The following SNX9 variants were observed in gnomAD, a reference collection of about 807,000 sequenced individuals.
The protein encoded by SNX9 is sorting nexin-9.
Under a neutral mutation model 89.4 loss-of-function variants are expected in SNX9, and 44 were observed. The observed-to-expected ratio is 0.49, with a 90% CI of 0.39 to 0.63. The LOEUF is 0.63. Ranked by LOEUF, SNX9 falls within the 30% of genes least tolerant of loss-of-function variation. The pLI is 0.00. For synonymous variants in SNX9, 236 were observed against 247.8 expected, an observed-to-expected ratio of 0.95 and a Z score of 0.45; for missense variants, 578 against 736.1, an observed-to-expected ratio of 0.79 and a Z score of 2.49.
At chr6:157,911,607 C>T (rs1166443964) in intron 9 of SNX9, among the ~76,000 whole-genome samples, 3 of 152,172 alleles carry the variant, frequency 2.0e-5, no homozygotes, top group African/African-American at 4.8e-5. Context: ...AATCCACAGA[C>T]ATTAAACAGG....
intron 10 of SNX9, among the ~76,000 whole-genome samples, chr6:157,922,428 G>C (rs1485093486): frequency 2.0e-5 from 3 of 152,160 alleles, no homozygotes; most frequent in African/African-American, 7.2e-5. Flanking sequence ...TACATTATCA[G>C]CCTGGGAAAT....
chr6:157,848,831 C>T (rs1284980923), intron 1 of SNX9, among the ~76,000 whole-genome samples: 1 of 152,192 alleles, frequency 6.6e-6, no homozygotes, highest in African/African-American at 2.4e-5. Context: ...GGGATAGATA[C>T]GTAACCGATT....
chr6:157,834,399 T>G (rs1209676207), intron 1 of SNX9, among the ~76,000 whole-genome samples: 1 of 149,806 alleles, frequency 6.7e-6, no homozygotes, highest in Non-Finnish European at 1.5e-5. Context: ...CAGGCTGGAG[T>G]GCAGTGGCAT....
intron 13 of SNX9, 50 bp downstream of exon 13, chr6:157,932,322 C>T (rs1484444605): frequency 6.6e-7 from 1 of 1,510,118 alleles, no homozygotes; most frequent in African/African-American, 1.4e-5. Context: ...TTATGTAGAC[C>T]TGTCACCTGC....
At chr6:157,897,476 G>A (rs1024240644) in intron 5 of SNX9, among the ~76,000 whole-genome samples, 4 of 152,028 alleles carry the variant, frequency 2.6e-5, no homozygotes, top group African/African-American at 4.8e-5. Context: ...GGATTTTTAC[G>A]GCGGTTTCAT....
In SNX9 at chr6:157,827,480, A is replaced by ATT. The variant is rs1781393814; in HGVS notation, c.12+4034_12+4035insTT. Among the ~76,000 whole-genome samples the ATT allele has an allele frequency of 1.5e-4, 4 of 27,022 alleles. 2 individuals carry two copies. Among genetic ancestry groups the ATT allele is most frequent in the Non-Finnish European group, 2.0e-4 (4 of 19,576 alleles). 17.7% of individuals were successfully genotyped at this position (27,022 alleles called of 152,430 possible). ...TAATATATAAACTTATAGTTTATAT[A>ATT]ATATATAAACTTATAGTTTATATAA... On this transcript the variant is annotated intron_variant, in intron 1 of 17. Coordinates refer to ENST00000392185, the MANE Select transcript of SNX9 (RefSeq NM_016224.5).
At chr6:157,908,751 G>A (rs145795488) in intron 7 of SNX9, among the ~76,000 whole-genome samples, 6 of 147,792 alleles carry the variant, frequency 4.1e-5, no homozygotes, top group Admixed American at 2.0e-4. Context: ...AAACTTACAC[G>A]AGGTCTCTAC....
Position 157,823,289 on chromosome 6 carries a change from T to C in SNX9, c.-146T>C. 1.7e-6 allele frequency: 1 copy of C among 587,028 alleles called. No individual in the cohort carries two copies. Among genetic ancestry groups the C allele is most frequent in the Non-Finnish European group, 2.3e-6 (1 of 432,662 alleles). The allele number at this position is 587,028 out of a possible 1,614,324, so 36.4% of individuals were successfully genotyped here. On this transcript the variant is annotated 5_prime_UTR_variant, in exon 1 of 18. Transcript: ENST00000392185. The surrounding 1 kb of genome is among the most constrained non-coding windows in gnomAD (Gnocchi z 4.6). ...AGCGGCTGGGCCTGAGCGTCGAGAC[T>C]CGGGGCCGAGGCGGAGGAGCGGCCG... is the stretch of plus-strand genomic sequence containing the variant.
Position 157,896,828 on chromosome 6 carries a change from T to C in SNX9, c.302T>C (p.Val101Ala). Residue 101 changes from valine to alanine, a missense_variant and splice_region_variant, in exon 5 of 18, where the codon GTT (valine) becomes GCT (alanine). By Grantham distance (64) the Val-to-Ala change is moderately conservative. Coordinates refer to ENST00000392185, the MANE Select transcript of SNX9 (RefSeq NM_016224.5). ...CCTTCTTTTTACCCCTCTCAATAGGTTGGCAGTGGCAATGACCCCTGGTCA... is the reference window on the plus strand; with the variant it reads ...CCTTCTTTTTACCCCTCTCAATAGGCTGGCAGTGGCAATGACCCCTGGTCA... ...SSSAASNNHQ[V>A]GSGNDPWSAW... 1 of 1,612,632 alleles carries C rather than the reference T, an allele frequency of 6.2e-7. No individual in the cohort carries two copies.
chr6:157,920,336 C>G (rs774969070), intron 9 of SNX9, among the ~76,000 whole-genome samples: 3 of 152,196 alleles, frequency 2.0e-5, no homozygotes, highest in Non-Finnish European at 4.4e-5. Context: ...TTGTCCCTTC[C>G]TGTTCATCTG....
chr6:157,901,075 A>G (rs917777355), intron 5 of SNX9, among the ~76,000 whole-genome samples: 3 of 152,108 alleles, frequency 2.0e-5, no homozygotes, highest in Non-Finnish European at 4.4e-5. Flanking sequence ...CTGGGATAGG[A>G]ATCTTGGTGA....
At chr6:157,920,268 T>C (rs1426067836) in intron 9 of SNX9, among the ~76,000 whole-genome samples, 1 of 152,214 alleles carries the variant, frequency 6.6e-6, no homozygotes, top group Admixed American at 6.5e-5. Flanking sequence ...GTCTCCAATG[T>C]GTATGCATAC....
chr6:157,926,249 A>G (rs1783689278), intron 10 of SNX9, among the ~76,000 whole-genome samples: 1 of 152,150 alleles, frequency 6.6e-6, no homozygotes, highest in African/African-American at 2.4e-5. Flanking sequence ...GGAAAGGACA[A>G]TGCGGGGGCT....
intron 4 of SNX9, among the ~76,000 whole-genome samples, chr6:157,894,023 G>A (rs1782918767): frequency 6.6e-6 from 1 of 151,640 alleles, no homozygotes; most frequent in South Asian, 2.1e-4. Context: ...GATTGTTCAT[G>A]AAATGGTATT....
In SNX9 at chr6:157,942,569, C is replaced by T. The variant is rs577225884; in HGVS notation, c.1741-222C>T. On this transcript the variant is annotated intron_variant, in intron 17 of 17. Coordinates refer to ENST00000392185, the MANE Select transcript of SNX9 (RefSeq NM_016224.5). Reference sequence around the variant, plus strand: ...GGGAGCATGTGTAGACGCCTCCCGGCGGGAAGGGACCACCAGGGCCAGCTC... The same window carrying T: ...GGGAGCATGTGTAGACGCCTCCCGGTGGGAAGGGACCACCAGGGCCAGCTC... Among the ~76,000 whole-genome samples, 8 of 152,360 alleles carry T rather than the reference C, an allele frequency of 5.3e-5. No individual in the cohort carries two copies. In the East Asian group the frequency reaches 5.8e-4, roughly 11 times the overall value.
intron 17 of SNX9, 73 bp downstream of exon 17, chr6:157,941,047 A>C: frequency 2.3e-6 from 3 of 1,307,790 alleles, no homozygotes; most frequent in Admixed American, 3.5e-5. Flanking sequence ...TGACCATGTA[A>C]AGTTAATCTG....
intron 1 of SNX9, among the ~76,000 whole-genome samples, chr6:157,835,535 C>G (rs1464700561): frequency 6.6e-6 from 1 of 151,486 alleles, no homozygotes. Context: ...GCCTCATCCT[C>G]TTGAGTATCT....
chr6:157,847,324 A>G (rs1426035923), intron 1 of SNX9, among the ~76,000 whole-genome samples: 1 of 152,004 alleles, frequency 6.6e-6, no homozygotes, highest in East Asian at 1.9e-4. Flanking sequence ...ACTGGTCTTG[A>G]ACTCCTGAGC....
chr6:157,862,166 G>C (rs1782145911), intron 1 of SNX9, among the ~76,000 whole-genome samples: 1 of 152,186 alleles, frequency 6.6e-6, no homozygotes. Context: ...GTGAAACTGT[G>C]GAGGAGGGAC....
Sources: gnomAD v4.1 joint callset for allele counts (sites outside exome capture counted in the v4.1 genomes callset) on GRCh38, gnomAD v4.1.1 for gene constraint, Gnocchi (gnomAD v3.1) non-coding constraint, MANE v1.5 for transcripts, NCBI Gene and HGNC (gene_info 2026-07-23, HGNC 2026-07-21) for gene names.